The following CCL17 variants were observed in gnomAD, a reference collection of about 807,000 sequenced individuals.
CCL17 encodes C-C motif chemokine 17.
A neutral mutation model predicts 7.4 loss-of-function variants in CCL17; 8 were observed. The observed-to-expected ratio is 1.09, with a 90% CI of 0.64 to 1.96. The LOEUF (loss-of-function observed/expected upper bound fraction) is 1.96, where lower values mean the gene tolerates loss of function less well. CCL17 is among the 30% of genes most tolerant of loss of function. The pLI is 0.00. For missense variants in CCL17, 102 were observed against 113.0 expected (o/e 0.90, Z 0.44); for synonymous variants, 40 against 46.1 (o/e 0.87, Z 0.54).
chr16:57,404,373 A>G (rs1350953924), upstream of CCL17, among the ~76,000 whole-genome samples: 7 of 152,130 alleles, frequency 4.6e-5, no homozygotes, highest in Non-Finnish European at 7.4e-5. Context: ...GTGTATTTGG[A>G]AAGCAGAGAC....
chr16:57,409,909 G>A (rs554403451), intron 1 of CCL17, among the ~76,000 whole-genome samples: 1 of 152,314 alleles, frequency 6.6e-6, no homozygotes, highest in African/African-American at 2.4e-5. Context: ...AGGGCAGGAT[G>A]AATCCAGTTT....
intron 1 of CCL17, among the ~76,000 whole-genome samples, chr16:57,408,910 A>G (rs1008859960): frequency 6.6e-6 from 1 of 152,046 alleles, no homozygotes; most frequent in African/African-American, 2.4e-5. Context: ...GGGTTTCACC[A>G]TGTTGCCCAG....
chr16:57,409,329 C>T (rs542653152), intron 1 of CCL17, among the ~76,000 whole-genome samples: 5 of 152,216 alleles, frequency 3.3e-5, no homozygotes, highest in South Asian at 2.1e-4. Flanking sequence ...AGTAAAGGCC[C>T]GGCATTTTCA....
At chr16:57,414,235 A>C (rs185860476) in intron 2 of CCL17, among the ~76,000 whole-genome samples, 35 of 152,104 alleles carry the variant, frequency 2.3e-4, no homozygotes, top group African/African-American at 8.0e-4. Context: ...CAAGGCGAGC[A>C]CATCTTGGGC....
chr16:57,397,816 G>A, the CCL17 span, among the ~76,000 whole-genome samples: 6 of 152,248 alleles, frequency 3.9e-5, no homozygotes, highest in African/African-American at 9.6e-5. Flanking sequence ...GTAACTGGGC[G>A]CTGGTCCCTA....
chr16:57,402,120 C>A (rs1242114964), upstream of CCL17, among the ~76,000 whole-genome samples: 1 of 152,236 alleles, frequency 6.6e-6, no homozygotes, highest in Non-Finnish European at 1.5e-5. Context: ...GGTGCTGGTT[C>A]TTCCCTGCAA....
At chr16:57,396,751 G>C in the CCL17 span, among the ~76,000 whole-genome samples, 111 of 152,284 alleles carry the variant, frequency 7.3e-4, no homozygotes, top group African/African-American at 2.1e-3. Context: ...ACTGTGATCA[G>C]TTGGGGCTTG....
intron 1 of CCL17, among the ~76,000 whole-genome samples, chr16:57,407,972 T>C (rs947222292): frequency 6.6e-6 from 1 of 151,142 alleles, no homozygotes; most frequent in Admixed American, 6.6e-5. Context: ...CTACCATCCA[T>C]CCATCTATCC....
chr16:57,406,787 G>A (rs1567562127), intron 1 of CCL17, among the ~76,000 whole-genome samples: 3 of 152,138 alleles, frequency 2.0e-5, no homozygotes, highest in Non-Finnish European at 4.4e-5. Flanking sequence ...CCATTTCACA[G>A]ATGAGAAAAC....
At chr16:57,403,456 AAT>A (rs1175304825), upstream of CCL17, among the ~76,000 whole-genome samples, 3 of 6,542 alleles carry the variant, frequency 4.6e-4, 1 homozygote, top group African/African-American at 1.5e-3. Flanking sequence ...ATTATATTAT[AAT>A]ATATATTATA....
the CCL17 span, among the ~76,000 whole-genome samples, chr16:57,398,478 A>G: frequency 1.3e-5 from 2 of 152,322 alleles, no homozygotes; most frequent in South Asian, 2.1e-4. Flanking sequence ...TCTGGTTCCC[A>G]TTCTACTAGA....
At chr16:57,398,944 A>T in the CCL17 span, among the ~76,000 whole-genome samples, 2 of 152,202 alleles carry the variant, frequency 1.3e-5, no homozygotes, top group African/African-American at 4.8e-5. Context: ...GTAAGTTGGG[A>T]TGTGTGGTCT....
At chr16:57,405,796 G>T (rs1302924554) in intron 1 of CCL17, among the ~76,000 whole-genome samples, 1 of 152,058 alleles carries the variant, frequency 6.6e-6, no homozygotes, top group Non-Finnish European at 1.5e-5. Context: ...CACTTTGGGA[G>T]GCCGAGGCAG....
chr16:57,405,598 G>C (rs1360082590), intron 1 of CCL17, among the ~76,000 whole-genome samples: 4 of 152,186 alleles, frequency 2.6e-5, no homozygotes, highest in Admixed American at 2.0e-4. Flanking sequence ...AGGTTAGTGT[G>C]GGGGACAGAA....
At chr16:57,403,492 ATATATT>A (rs1387275007), upstream of CCL17, among the ~76,000 whole-genome samples, 2 of 20,702 alleles carry the variant, frequency 9.7e-5, no homozygotes, top group Non-Finnish European at 1.3e-4. Flanking sequence ...ATAATAATAT[ATATATT>A]ATAATATATA....
chr16:57,396,808 G>A, the CCL17 span, among the ~76,000 whole-genome samples: 30,184 of 152,042 alleles, frequency 0.2, 5,287 homozygotes, highest in African/African-American at 0.47. Flanking sequence ...GTGCCCCAGG[G>A]GCAGTCCTGA....
intron 1 of CCL17, among the ~76,000 whole-genome samples, chr16:57,410,899 T>G (rs1902773965): frequency 6.6e-6 from 1 of 152,192 alleles, no homozygotes; most frequent in Non-Finnish European, 1.5e-5. Context: ...GTGCTGGGGA[T>G]GCCCACGGCG....
At chr16:57,396,435 C>A in the CCL17 span, among the ~76,000 whole-genome samples, 8 of 152,122 alleles carry the variant, frequency 5.3e-5, no homozygotes, top group African/African-American at 1.9e-4. Flanking sequence ...CTCCAGTGAG[C>A]GGCTGGAAAG....
In CCL17 at chr16:57,415,672, T is replaced by C. The variant is rs1902857023; in HGVS notation, c.189-93T>C. On this transcript the variant is annotated intron_variant, in intron 3 of 3. Transcript: ENST00000219244. The surrounding 1 kb of genome is among the most constrained non-coding windows in gnomAD (Gnocchi z 4.5). ...GCAACTTCCTGCCCCTCTTGGAGCC[T>C]TGGAATCCTGGTCAGCACAGGGCGG... 7 of 796,434 alleles carry C rather than the reference T, an allele frequency of 8.8e-6. No homozygotes were observed. Among genetic ancestry groups the C allele is most frequent in the Non-Finnish European group, 1.5e-5 (7 of 453,614 alleles). 49.3% of individuals were successfully genotyped at this position (796,434 alleles called of 1,614,324 possible). A position where few individuals can be genotyped will look rare whatever the true frequency, so the allele number is the denominator to read the frequency against.
Sources: gnomAD v4.1 joint callset for allele counts (sites outside exome capture counted in the v4.1 genomes callset) on GRCh38, gnomAD v4.1.1 for gene constraint, Gnocchi (gnomAD v3.1) non-coding constraint, MANE v1.5 for transcripts, NCBI Gene and HGNC (gene_info 2026-07-23, HGNC 2026-07-21) for gene names.